Variants in DNAH14 observed in about 807,000 individuals in gnomAD.
DNAH14 encodes dynein axonemal heavy chain 14, also known as axonemal beta dynein heavy chain 14.
DNAH14 carries 478 observed loss-of-function variants against 520.9 expected under a neutral mutation model. That is an observed-to-expected ratio of 0.92 (90% CI 0.85 to 0.99). The LOEUF is 0.99. Ranked by LOEUF, DNAH14 falls within the 50% of genes least tolerant of loss-of-function variation. DNAH14 has a pLI of 0.00. For missense variants in DNAH14, 4,831 were observed against 5,234.5 expected, an observed-to-expected ratio of 0.92 and a Z score of 2.38; for synonymous variants, 1,581 against 1,757.2, an observed-to-expected ratio of 0.90 and a Z score of 2.51.
intron 66 of DNAH14, among the ~76,000 whole-genome samples, chr1:225,335,633 A>G (rs149246428): frequency 1.6e-5 from 2 of 126,720 alleles, no homozygotes; most frequent in African/African-American, 8.4e-5. Context: ...ATATATACAT[A>G]TGTGCATATA....
intron 84 of DNAH14, 51 bp downstream of exon 84, chr1:225,392,502 TATTC>T: frequency 1.9e-6 from 3 of 1,541,490 alleles, no homozygotes; most frequent in Non-Finnish European, 2.6e-6. Context: ...TTCATTCATT[TATTC>T]ATTCAATCAA....
chr1:224,944,593 G>A (rs1006833391), intron 1 of DNAH14, among the ~76,000 whole-genome samples: 43 of 152,110 alleles, frequency 2.8e-4, no homozygotes, highest in Non-Finnish European at 3.1e-4. Flanking sequence ...AGCCTCAATG[G>A]TCTTTACAAT....
chr1:224,950,611 A>G (rs900879712), intron 1 of DNAH14, among the ~76,000 whole-genome samples: 1 of 152,200 alleles, frequency 6.6e-6, no homozygotes, highest in African/African-American at 2.4e-5. Context: ...TAATGATGAG[A>G]GCATGAATAT....
intron 42 of DNAH14, among the ~76,000 whole-genome samples, chr1:225,231,879 A>G (rs1033017242): frequency 2.0e-5 from 3 of 152,158 alleles, no homozygotes; most frequent in Non-Finnish European, 2.9e-5. Context: ...TTAAATTTTT[A>G]TTAAATAGTG....
intron 11 of DNAH14, among the ~76,000 whole-genome samples, chr1:225,035,418 C>T (rs2066880094): frequency 6.6e-6 from 1 of 151,846 alleles, no homozygotes; most frequent in Admixed American, 6.6e-5. Context: ...TTTATTGTTT[C>T]TTTTCTTCTA....
At chr1:225,390,263 C>A (rs2095890838) in intron 83 of DNAH14, among the ~76,000 whole-genome samples, 1 of 152,200 alleles carries the variant, frequency 6.6e-6, no homozygotes, top group Non-Finnish European at 1.5e-5. Context: ...TCATTTATTT[C>A]TGTAACAAGA....
intron 55 of DNAH14, among the ~76,000 whole-genome samples, chr1:225,290,657 A>ATATATATATATATG: frequency 1.7e-5 from 1 of 58,600 alleles, no homozygotes; most frequent in East Asian, 4.0e-4. Context: ...GTATATATAT[A>ATATATATATATATG]TATATATATA....
chr1:225,129,314 CTACTT>C (rs1424142666), intron 27 of DNAH14, among the ~76,000 whole-genome samples: 5 of 152,104 alleles, frequency 3.3e-5, no homozygotes, highest in Admixed American at 3.3e-4. Context: ...TTGGAAAAAA[CTACTT>C]TAAAGTTCTT....
chr1:225,162,220 G>A (rs1296439335), intron 35 of DNAH14, among the ~76,000 whole-genome samples: 1 of 152,086 alleles, frequency 6.6e-6, no homozygotes, highest in African/African-American at 2.4e-5. Context: ...TCATTCTTCT[G>A]CATATGGATA....
chr1:225,320,817 ACACGTGT>A (rs1280610660), intron 61 of DNAH14, among the ~76,000 whole-genome samples: 1 of 152,230 alleles, frequency 6.6e-6, no homozygotes, highest in African/African-American at 2.4e-5. Flanking sequence ...TTTCCAGTAG[ACACGTGT>A]CACTTTGAAT....
At chr1:225,323,499 G>A (rs555682744) in intron 62 of DNAH14, among the ~76,000 whole-genome samples, 58 of 152,032 alleles carry the variant, frequency 3.8e-4, no homozygotes, top group African/African-American at 1.3e-3. Flanking sequence ...GTTTTGAGAC[G>A]GAGTCTCACT....
chr1:225,259,004 A>T (rs1254561662), intron 45 of DNAH14, 117 bp from the exon 46 acceptor site: 1 of 1,165,940 alleles, frequency 8.6e-7, no homozygotes, highest in African/African-American at 1.6e-5. Context: ...GGGAAGAACA[A>T]AAAAACACTT....
At chr1:225,021,068 T>C (rs922070743) in intron 10 of DNAH14, among the ~76,000 whole-genome samples, 17 of 152,346 alleles carry the variant, frequency 1.1e-4, no homozygotes, top group African/African-American at 3.8e-4. Flanking sequence ...TCTCAACAGA[T>C]GCAGGAAATG....
At chr1:225,374,257 TATATATATA>T (rs2095664512) in intron 77 of DNAH14, among the ~76,000 whole-genome samples, 2 of 102,752 alleles carry the variant, frequency 1.9e-5, no homozygotes, top group African/African-American at 6.9e-5. Context: ...TCTATATATA[TATATATATA>T]TATATTTTTT....
intron 52 of DNAH14, among the ~76,000 whole-genome samples, chr1:225,274,268 G>A (rs1020880216): frequency 1.4e-5 from 2 of 141,514 alleles, no homozygotes; most frequent in African/African-American, 2.6e-5. Flanking sequence ...GCTGTGGCGC[G>A]ATCTCTGCTC....
intron 28 of DNAH14, among the ~76,000 whole-genome samples, chr1:225,141,861 C>G (rs969786152): frequency 3.3e-5 from 5 of 152,070 alleles, no homozygotes; most frequent in African/African-American, 1.2e-4. Flanking sequence ...CCATTCTCAC[C>G]TTTAGTGAGA....
intron 46 of DNAH14, among the ~76,000 whole-genome samples, chr1:225,263,406 T>A (rs1185019628): frequency 1.3e-5 from 2 of 152,022 alleles, no homozygotes; most frequent in Middle Eastern, 3.4e-3. Flanking sequence ...GACCTAGGAA[T>A]CATCTTTGAA....
chr1:224,971,098 TTATC>T (rs1319839767), intron 7 of DNAH14, among the ~76,000 whole-genome samples: 11 of 152,168 alleles, frequency 7.2e-5, no homozygotes, highest in African/African-American at 2.4e-4. Flanking sequence ...GATTAAAAAT[TTATC>T]TAGTTTTAAG....
At chr1:225,352,448 T>C (rs2095378492) in intron 72 of DNAH14, among the ~76,000 whole-genome samples, 2 of 152,162 alleles carry the variant, frequency 1.3e-5, no homozygotes, top group Admixed American at 6.5e-5. Flanking sequence ...AACATCCTTA[T>C]ACATTTTTCC....
Sources: gnomAD v4.1 joint callset for allele counts (sites outside exome capture counted in the v4.1 genomes callset) on GRCh38, gnomAD v4.1.1 for gene constraint, MANE v1.5 for transcripts, NCBI Gene and HGNC (gene_info 2026-07-23, HGNC 2026-07-21) for gene names.